Variants in PLAGL1 observed in about 807,000 individuals in gnomAD.
The protein encoded by PLAGL1 is zinc finger protein PLAGL1.
Under a neutral mutation model 4.6 loss-of-function variants are expected in PLAGL1, and 1 was observed. That is an observed-to-expected ratio of 0.22 (90% confidence interval 0.08 to 1.03). The LOEUF (loss-of-function observed/expected upper bound fraction) is 1.03, where lower values mean the gene tolerates loss of function less well. Among genes scored for constraint, PLAGL1 ranks in the 50% least tolerant of loss-of-function variants. PLAGL1 has a pLI of 0.58. For synonymous variants in PLAGL1, 240 were observed against 237.8 expected, an observed-to-expected ratio of 1.01 and a Z score of -0.08; for missense variants, 464 against 570.4, an observed-to-expected ratio of 0.81 and a Z score of 1.90.
At chr6:143,993,280 G>C (rs1790885013) in intron 1 of PLAGL1, among the ~76,000 whole-genome samples, 1 of 150,336 alleles carries the variant, frequency 6.7e-6, no homozygotes, top group Non-Finnish European at 1.5e-5. Context: ...CTCCAGCCTA[G>C]GTGACAGAGC....
rs1181762205 is a variant in PLAGL1 at position 144,022,707 on chromosome 6, C to T, written c.-151+41761G>A. 1.3e-5 allele frequency among the ~76,000 whole-genome samples: 2 copies of T among 152,138 alleles called. No homozygotes were observed. The highest frequency in any genetic ancestry group is 2.9e-5 in the Non-Finnish European group (2 of 68,030). On this transcript the variant is annotated intron_variant, in intron 1 of 3. Transcript: ENST00000437412. This position sits in a 1 kb window ranked among gnomAD's most constrained non-coding sequence, Gnocchi z 4.2. ...TTGCACAAGCTCTCTTGCCTGCCAC[C>T]ATGTAAGATGTCTCTTGCTCTTCCA...
At chr6:143,988,158 C>T (rs1789625902) in intron 1 of PLAGL1, among the ~76,000 whole-genome samples, 1 of 152,204 alleles carries the variant, frequency 6.6e-6, no homozygotes, top group Non-Finnish European at 1.5e-5. Flanking sequence ...CGGCTAAACA[C>T]AGTCATCTGG....
rs1435825613 is a variant in PLAGL1, at chr6:143,979,498, A to G, written c.-544+5637T>C. Among the ~76,000 whole-genome samples the G allele has an allele frequency of 4.0e-5, 6 of 151,732 alleles. No individual in the cohort carries two copies. Among genetic ancestry groups the G allele is most frequent in the Admixed American group, 3.9e-4 (6 of 15,246 alleles). On this transcript the variant is annotated intron_variant, in intron 2 of 7. Transcript: ENST00000674357. The surrounding 1 kb of genome is among the most constrained non-coding windows in gnomAD (Gnocchi z 4.6). Reference sequence around the variant, plus strand: ...TCCTTTGGCTTATAACTATGTTTTGATATCTTCGTGGTTGCTGTAGAGTTT... The same window carrying G: ...TCCTTTGGCTTATAACTATGTTTTGGTATCTTCGTGGTTGCTGTAGAGTTT...
At chr6:144,037,346 C>CGT (rs1209976737) in intron 1 of PLAGL1, 1 of 148,580 alleles carries the variant, frequency 6.7e-6, no homozygotes, top group East Asian at 2.0e-4. Flanking sequence ...GGGAGGCCAA[C>CGT]GTGGGACAAT....
rs34750629 is a variant in PLAGL1, at chr6:143,977,470, C to CTTTTT, written c.-544+7660_-544+7664dup. Among the ~76,000 whole-genome samples the CTTTTT allele has an allele frequency of 3.3e-3, 228 of 69,232 alleles. 2 individuals carry two copies. Among genetic ancestry groups the CTTTTT allele is most frequent in the Middle Eastern group, 0.024 (2 of 82 alleles). The allele number at this position is 69,232 out of a possible 152,430, so 45.4% of individuals were successfully genotyped here. A position where few individuals can be genotyped will look rare whatever the true frequency, so the allele number is the denominator to read the frequency against. On this transcript the variant is annotated intron_variant, in intron 2 of 7. Coordinates refer to ENST00000674357, the MANE Select transcript of PLAGL1 (RefSeq NM_001317162.2). ...TTTTTATTTTTTTCTTCTTCTTCTTCTTTTTTTTTTTTTTTTTTTTTGAGA... is the reference window on the plus strand; with the variant it reads ...TTTTTATTTTTTTCTTCTTCTTCTTCTTTTTTTTTTTTTTTTTTTTTTTTTTGAGA...
At chr6:144,057,585 C>T (rs748704493) in intron 1 of PLAGL1, among the ~76,000 whole-genome samples, 7 of 152,170 alleles carry the variant, frequency 4.6e-5, no homozygotes, top group Non-Finnish European at 1.0e-4. Context: ...ATTCCAAACC[C>T]ACAAGCTGAT....
rs186473306 is a variant in PLAGL1, at chr6:143,950,385, A to C, written c.-324-1925T>G. Among the ~76,000 whole-genome samples the C allele has an allele frequency of 6.6e-6, 1 of 152,254 alleles. No individual in the cohort carries two copies. The highest frequency in any genetic ancestry group is 1.9e-4 in the East Asian group (1 of 5,184). On this transcript the variant is annotated intron_variant, in intron 6 of 7. Coordinates refer to ENST00000674357, the MANE Select transcript of PLAGL1 (RefSeq NM_001317162.2). This position sits in a 1 kb window ranked among gnomAD's most constrained non-coding sequence, Gnocchi z 6.3. The stretch of plus-strand genomic sequence containing the variant: ...TGAGGAATCCTCAACAGCCCTGGTC[A>C]CAAACAAAATAACTCCTTCTAGGAA...
Position 143,985,375 on chromosome 6 carries a change from C to T in PLAGL1, c.-583-201G>A, listed in dbSNP as rs550893966. On this transcript the variant is annotated intron_variant, in intron 1 of 7. Transcript: ENST00000674357. The surrounding 1 kb of genome is among the most constrained non-coding windows in gnomAD (Gnocchi z 4.4). ...ATTAATACCATCTACTAGTCTATCG[C>T]GATTTCCCATTTAATTGTATTAGTG... Among the ~76,000 whole-genome samples the T allele has an allele frequency of 5.3e-5, 8 of 152,174 alleles. No individual in the cohort carries two copies. Among genetic ancestry groups the T allele is most frequent in the East Asian group, 1.9e-4 (1 of 5,178 alleles).
intron 1 of PLAGL1, among the ~76,000 whole-genome samples, chr6:143,999,426 C>T (rs1012919837): frequency 1.8e-4 from 27 of 152,190 alleles, no homozygotes; most frequent in African/African-American, 5.6e-4. Flanking sequence ...ACAAATAATA[C>T]AATGTATTAA....
chr6:144,062,156 T>C (rs534004375), intron 1 of PLAGL1, among the ~76,000 whole-genome samples: 67 of 152,164 alleles, frequency 4.4e-4, no homozygotes, highest in Non-Finnish European at 7.4e-4. Context: ...GGCGGGCAGA[T>C]CACGAGGTCA....
rs56748750 is a variant in PLAGL1, at chr6:143,955,495, C to T, written c.-325+4974G>A. Among the ~76,000 whole-genome samples, 638 of 151,902 alleles carry T rather than the reference C, an allele frequency of 4.2e-3. 4 individuals are homozygous for T. Among genetic ancestry groups the T allele is most frequent in the Non-Finnish European group, 6.7e-3 (457 of 67,994 alleles). ...TTATGTGGAGATGCAGTGAGGAGGG[C>T]GGGAAGAGAAGAGGTAGAAATAGGT... On this transcript the variant is annotated intron_variant, in intron 6 of 7. Transcript: ENST00000674357. The surrounding 1 kb of genome is among the most constrained non-coding windows in gnomAD (Gnocchi z 4.9).
rs1307770860 is a variant in PLAGL1, at chr6:143,945,769, A to T, written c.152+2216T>A. Among the ~76,000 whole-genome samples the T allele has an allele frequency of 6.6e-6, 1 of 152,012 alleles. No homozygotes were observed. Among genetic ancestry groups the T allele is most frequent in the African/African-American group, 2.4e-5 (1 of 41,332 alleles). ...GGATTACAGGCATCATCTTTTTTTT[A>T]AAAGCAAAACCGAAAGCATCCTGCC... is the stretch of plus-strand genomic sequence containing the variant. On this transcript the variant is annotated intron_variant, in intron 7 of 7. Transcript: ENST00000674357. This position sits in a 1 kb window ranked among gnomAD's most constrained non-coding sequence, Gnocchi z 4.2.
upstream of PLAGL1, chr6:144,008,779 A>T (rs1177577886): frequency 6.6e-6 from 1 of 152,288 alleles, no homozygotes. This position sits in a 1 kb window ranked among gnomAD's most constrained non-coding sequence, Gnocchi z 6.9. Context: ...AAACGTGAGC[A>T]CTGACCGTGA....
chr6:143,969,436 T>C (rs1484316302), intron 2 of PLAGL1, among the ~76,000 whole-genome samples: 1 of 152,014 alleles, frequency 6.6e-6, no homozygotes, highest in African/African-American at 2.4e-5. Flanking sequence ...TATTCATGTA[T>C]TTGTATTTAT....
Position 143,982,117 on chromosome 6 carries a change from A to C in PLAGL1, c.-544+3018T>G, listed in dbSNP as rs1024364573. On this transcript the variant is annotated intron_variant, in intron 2 of 7. Transcript: ENST00000674357. This position sits in a 1 kb window ranked among gnomAD's most constrained non-coding sequence, Gnocchi z 5.3. Reference sequence around the variant, plus strand: ...TAATTGTTTCTAGTAGCTTAACTGTATCCCATAACAAAGCTCAAGTAAAAT... The same window carrying C: ...TAATTGTTTCTAGTAGCTTAACTGTCTCCCATAACAAAGCTCAAGTAAAAT... Among the ~76,000 whole-genome samples the C allele has an allele frequency of 2.6e-5, 4 of 152,274 alleles. No individual in the cohort carries two copies. The South Asian group carries it at 6.2e-4, about 24-fold the overall frequency.
chr6:144,023,114 A>C (rs760050611), intron 1 of PLAGL1, among the ~76,000 whole-genome samples: 5 of 152,238 alleles, frequency 3.3e-5, no homozygotes, highest in African/African-American at 9.6e-5. Context: ...CATACTGCTA[A>C]GAAAAAGGAG....
Position 143,990,895 on chromosome 6 carries a change from C to T in PLAGL1, c.-583-5721G>A, listed in dbSNP as rs906376876. On this transcript the variant is annotated intron_variant, in intron 1 of 7. Transcript: ENST00000674357. This position sits in a 1 kb window ranked among gnomAD's most constrained non-coding sequence, Gnocchi z 5.4. ...AATTGAGAAAAAGGACCTTGCTTTG[C>T]CTATGAATGTTTTCTGTGTTGACCA... Among the ~76,000 whole-genome samples, 3 of 152,062 alleles carry T rather than the reference C, an allele frequency of 2.0e-5. No individual in the cohort carries two copies. Among genetic ancestry groups the T allele is most frequent in the Non-Finnish European group, 4.4e-5 (3 of 68,042 alleles).
rs140814118 is a variant in PLAGL1, at chr6:143,947,962, A to G, written c.152+23T>C. 299 of 1,607,464 alleles carry G rather than the reference A, an allele frequency of 1.9e-4. 1 individual carries two copies. The African/African-American group carries it at 2.5e-3, about 13-fold the overall frequency. On this transcript the variant is annotated intron_variant, in intron 7 of 7. Transcript: ENST00000674357. The surrounding 1 kb of genome is among the most constrained non-coding windows in gnomAD (Gnocchi z 4.3). ...CATTTAAACGTACTTCTAAAAGTGC[A>G]TACCTTTGCCAAAGCCTCTCACCTC... is the stretch of plus-strand genomic sequence containing the variant.
At chr6:144,009,475 A>T (rs996512799), upstream of PLAGL1, among the ~76,000 whole-genome samples, 1 of 152,220 alleles carries the variant, frequency 6.6e-6, no homozygotes, top group Non-Finnish European at 1.5e-5. Flanking sequence ...TTCAATTCAC[A>T]CCTTCCTTCA....
Sources: allele counts gnomAD v4.1 joint callset (sites outside exome capture counted in the v4.1 genomes callset), GRCh38; gene constraint gnomAD v4.1.1; non-coding constraint Gnocchi (gnomAD v3.1); transcripts MANE v1.5; gene names NCBI Gene and HGNC (gene_info 2026-07-23, HGNC 2026-07-21).